The following MYO9A variants were observed in gnomAD, a reference collection of about 807,000 sequenced individuals.
The protein encoded by MYO9A is unconventional myosin-IXa.
A neutral mutation model predicts 293.3 loss-of-function variants in MYO9A; 103 were observed. That is an observed-to-expected ratio of 0.35 (90% confidence interval 0.30 to 0.41). The LOEUF is 0.41. MYO9A is among the 10% of genes least tolerant of loss of function. The pLI, the probability that MYO9A is intolerant of heterozygous loss-of-function variation, is 1.00. For missense variants in MYO9A, 2,685 were observed against 3,033.0 expected (o/e 0.89, Z 2.69); for synonymous variants, 1,001 against 1,035.7 (o/e 0.97, Z 0.64).
rs1172216743 is a variant in MYO9A, at chr15:71,955,057, T to C, written c.2183-3161A>G. On this transcript the variant is annotated intron_variant, in intron 14 of 41. Coordinates refer to ENST00000356056, the MANE Select transcript of MYO9A (RefSeq NM_006901.4). ...ACCCCCCCAAGTTATTTTATCTCCC[T>C]TCCTATCAATACTACCCTTGCCCCT... 2.6e-5 allele frequency among the ~76,000 whole-genome samples: 4 copies of C among 152,190 alleles called. No homozygotes were observed. In the East Asian group the frequency reaches 7.7e-4, roughly 29 times the overall value.
chr15:72,055,164 T>C (rs1354649821), intron 1 of MYO9A, among the ~76,000 whole-genome samples: 2 of 152,192 alleles, frequency 1.3e-5, no homozygotes, highest in Admixed American at 6.5e-5. Context: ...TGCGTGCCCA[T>C]AGTCATAGCT....
Position 71,826,935 on chromosome 15 carries a change from G to T in MYO9A, c.7292C>A (p.Ser2431Tyr). The T allele has an allele frequency of 6.2e-7, 1 of 1,614,102 alleles. No homozygotes were observed. The highest frequency in any genetic ancestry group is 8.5e-7 in the Non-Finnish European group (1 of 1,179,968). ...KQQDSLDVVDSSVSSLCLSNT... is the reference protein window; with the variant it reads ...KQQDSLDVVDYSVSSLCLSNT... ...AGACAGACATAAAGAGGAGACCGAA[G>T]AGTCCACGACATCTAAAGAGTCTTG... Residue 2431 changes from serine (S) to tyrosine (Y), a missense_variant, in exon 42 of 42, where the codon TCT (serine) becomes TAT (tyrosine). Physicochemically the swap from Ser to Tyr is moderately radical, Grantham distance 144. This residue lies in a region of MYO9A where 350 missense variants were observed against 328.9 expected (regional missense o/e 1.06). Transcript: ENST00000356056.
At position 72,020,928 on chromosome 15, in the gene MYO9A, T is replaced by C; in HGVS notation, c.1088A>G (p.Tyr363Cys). ...FHLKQPEEYH[Y>C]LNQITKKPLR... ...TTTATGAACTCTCACCTGATTGAGA[T>C]AATGATATTCCTCTGGTTGCTTAAG... is the stretch of plus-strand genomic sequence containing the variant. The change falls in exon 5 of 42, where the codon TAT becomes TGT. Residue 363 changes from tyrosine to cysteine, a missense_variant. Coordinates refer to ENST00000356056, the MANE Select transcript of MYO9A (RefSeq NM_006901.4). 6.5e-7 allele frequency: 1 copy of C among 1,529,288 alleles called. No individual in the cohort carries two copies. The highest frequency in any genetic ancestry group is 8.7e-7 in the Non-Finnish European group (1 of 1,144,256). The allele number at this position is 1,529,288 out of a possible 1,614,324, so 94.7% of individuals were successfully genotyped here. A position where few individuals can be genotyped will look rare whatever the true frequency, so the allele number is the denominator to read the frequency against.
chr15:71,913,586 A>AT (rs368326231), intron 19 of MYO9A, among the ~76,000 whole-genome samples: 252 of 151,116 alleles, frequency 1.7e-3, no homozygotes, highest in African/African-American at 5.1e-3. Context: ...CTGATTATTG[A>AT]TTTTTTTTTC....
intron 21 of MYO9A, 98 bp from the exon 22 acceptor site, chr15:71,903,161 T>C: frequency 9.2e-7 from 1 of 1,085,752 alleles, no homozygotes. Flanking sequence ...CTCTTTCTTT[T>C]AAACAGGGTG....
chr15:71,898,767 A>G lies in MYO9A; in HGVS notation c.3736T>C (p.Leu1246=). ...ERAQSQSGVD[L]QEDVLVRERP... is the part of the protein sequence containing the mutation. ...TCTCTTACAAGCACATCTTCCTGCAAGTCCACACCACTCTGGCTTTGGGCT... is the reference window on the plus strand; with the variant it reads ...TCTCTTACAAGCACATCTTCCTGCAGGTCCACACCACTCTGGCTTTGGGCT... Residue 1246 remains leucine (L), a synonymous_variant, in exon 25 of 42, where the codon TTG becomes CTG. Transcript: ENST00000356056. The G allele has an allele frequency of 6.2e-7, 1 of 1,614,110 alleles. No homozygotes were observed. Among genetic ancestry groups the G allele is most frequent in the South Asian group, 1.1e-5 (1 of 91,076 alleles).
chr15:72,007,770 T>G, intron 8 of MYO9A, 56 bp downstream of exon 8: 1 of 1,556,640 alleles, frequency 6.4e-7, no homozygotes. Context: ...ATACACAAAA[T>G]AAAAAATAAA....
At chr15:71,832,556 A>G (rs935563712) in intron 39 of MYO9A, among the ~76,000 whole-genome samples, 1 of 152,224 alleles carries the variant, frequency 6.6e-6, no homozygotes, top group African/African-American at 2.4e-5. Context: ...GAATATTTTC[A>G]TGGTGATGAA....
chr15:71,988,039 C>T (rs776099161), intron 11 of MYO9A, among the ~76,000 whole-genome samples: 3 of 152,142 alleles, frequency 2.0e-5, no homozygotes, highest in Non-Finnish European at 4.4e-5. Context: ...TTTCTTCTGG[C>T]TGTCTAATCT....
intron 3 of MYO9A, among the ~76,000 whole-genome samples, chr15:72,028,214 AATAAATATATATATATATATAT>A (rs1272277909): frequency 2.4e-4 from 9 of 37,550 alleles, no homozygotes; most frequent in East Asian, 1.6e-3. Context: ...TAAATAAATA[AATAAATATATATATATATATAT>A]ATAAATATAT....
intron 12 of MYO9A, among the ~76,000 whole-genome samples, chr15:71,975,211 TA>T (rs2147667747): frequency 6.6e-6 from 1 of 152,284 alleles, no homozygotes; most frequent in East Asian, 1.9e-4. Context: ...GGGATTCTAG[TA>T]ATGTAGCAGT....
chr15:71,959,042 T>G (rs1473580130), intron 14 of MYO9A: 1 of 152,202 alleles, frequency 6.6e-6, no homozygotes, highest in African/African-American at 2.4e-5. Context: ...AGAAAGCATC[T>G]TAAAGAAAAA....
chr15:71,884,719 A>G (rs2056969576), intron 27 of MYO9A, among the ~76,000 whole-genome samples: 1 of 152,118 alleles, frequency 6.6e-6, no homozygotes, highest in African/African-American at 2.4e-5. Flanking sequence ...TTGGAGGTTT[A>G]TTTGTAAATT....
chr15:71,948,670 C>T (rs959991645), intron 15 of MYO9A, among the ~76,000 whole-genome samples: 4 of 152,102 alleles, frequency 2.6e-5, no homozygotes, highest in Non-Finnish European at 5.9e-5. Flanking sequence ...ACCCAAGTTA[C>T]GATCATGGGG....
At chr15:71,971,244 T>C (rs536984409) in intron 12 of MYO9A, among the ~76,000 whole-genome samples, 26 of 152,088 alleles carry the variant, frequency 1.7e-4, no homozygotes, top group Non-Finnish European at 3.2e-4. Context: ...CAGGAAATTA[T>C]AGTCTTTGTA....
In MYO9A at chr15:72,013,651, A is replaced by G. The variant is rs181118793; in HGVS notation, c.1156-3204T>C. 4.6e-3 allele frequency among the ~76,000 whole-genome samples: 699 copies of G among 152,336 alleles called. 4 individuals carry two copies. Among genetic ancestry groups the G allele is most frequent in the Admixed American group, 9.3e-3 (143 of 15,300 alleles). ...GACCTTGCTCTTTCTGTAAGGTGAC[A>G]CACTTTCCCATTTACAAATGCCTAG... On this transcript the variant is annotated intron_variant, in intron 6 of 41. Coordinates refer to ENST00000356056, the MANE Select transcript of MYO9A (RefSeq NM_006901.4).
At chr15:71,885,563 C>T (rs190444532) in intron 27 of MYO9A, among the ~76,000 whole-genome samples, 1 of 151,976 alleles carries the variant, frequency 6.6e-6, no homozygotes, top group Non-Finnish European at 1.5e-5. Context: ...GAGTGGTTTC[C>T]CTCATTGCCT....
intron 3 of MYO9A, among the ~76,000 whole-genome samples, chr15:72,031,454 C>A (rs2077867427): frequency 6.6e-6 from 1 of 152,034 alleles, no homozygotes; most frequent in South Asian, 2.1e-4. Context: ...CCACTGCATT[C>A]CAGCCTGGGC....
Position 72,022,080 on chromosome 15 carries a change from T to C in MYO9A, c.999-1063A>G, listed in dbSNP as rs565227191. 1.7e-3 allele frequency among the ~76,000 whole-genome samples: 263 copies of C among 152,298 alleles called. 1 individual carries two copies. Among genetic ancestry groups the C allele is most frequent in the African/African-American group, 6.0e-3 (248 of 41,568 alleles). ...TAAGTTAAATAAGCAGACACTTCAA[T>C]AGCCACACTCAAAAAAGAATATCAA... is the stretch of plus-strand genomic sequence containing the variant. On this transcript the variant is annotated intron_variant, in intron 4 of 41. Transcript: ENST00000356056.
Sources: allele counts gnomAD v4.1 joint callset (sites outside exome capture counted in the v4.1 genomes callset), GRCh38; gene constraint gnomAD v4.1.1; regional missense constraint gnomAD v4.1.1; transcripts MANE v1.5; gene names NCBI Gene and HGNC (gene_info 2026-07-23, HGNC 2026-07-21).